The following ATOH8 variants were observed in gnomAD, a reference collection of about 807,000 sequenced individuals.
ATOH8 encodes transcription factor ATOH8.
In ATOH8, 9 loss-of-function variants were observed where a neutral mutation model predicts 21.2. The observed-to-expected ratio is 0.42, with a 90% CI of 0.26 to 0.74. ATOH8 has a LOEUF of 0.74. Ranked by LOEUF, ATOH8 falls within the 30% of genes least tolerant of loss-of-function variation. The pLI, the probability that ATOH8 is intolerant of heterozygous loss-of-function variation, is 0.24. For missense variants in ATOH8, 524 were observed against 470.9 expected, an observed-to-expected ratio of 1.11 and a Z score of -1.04; for synonymous variants, 253 against 224.0, an observed-to-expected ratio of 1.13 and a Z score of -1.16.
At chr2:85,786,164 C>A (rs1680616889) in intron 2 of ATOH8, among the ~76,000 whole-genome samples, 1 of 152,168 alleles carries the variant, frequency 6.6e-6, no homozygotes, top group African/African-American at 2.4e-5. Flanking sequence ...TCCTTAGCAC[C>A]CTGATTCTCA....
chr2:85,755,187 C>G (rs559872600), intron 1 of ATOH8, among the ~76,000 whole-genome samples: 98 of 152,358 alleles, frequency 6.4e-4, no homozygotes, highest in African/African-American at 2.2e-3. Context: ...TCAACCCCCG[C>G]CTCGGGGGTA....
At position 85,789,175 on chromosome 2, in the gene ATOH8, A is replaced by G. The variant is rs1374138409; in HGVS notation, c.*2285A>G. ...GAGCAAACCCATGGCCTTACCACCC[A>G]GAAAGAGCCCATCCTCCACCTCCCA... On this transcript the variant is annotated 3_prime_UTR_variant, in exon 3 of 3. Coordinates refer to ENST00000306279, the MANE Select transcript of ATOH8 (RefSeq NM_032827.7). Among the ~76,000 whole-genome samples, 1 of 152,158 alleles carries G rather than the reference A, an allele frequency of 6.6e-6. No individual in the cohort carries two copies. The highest frequency in any genetic ancestry group is 1.5e-5 in the Non-Finnish European group (1 of 68,020).
intron 2 of ATOH8, among the ~76,000 whole-genome samples, chr2:85,783,879 T>C (rs72838697): frequency 1.2e-3 from 186 of 151,830 alleles, no homozygotes; most frequent in Non-Finnish European, 2.1e-3. Flanking sequence ...CAGCCACTTA[T>C]GAAGAGGTAT....
At chr2:85,782,831 G>A (rs964040220) in intron 2 of ATOH8, among the ~76,000 whole-genome samples, 1 of 152,166 alleles carries the variant, frequency 6.6e-6, no homozygotes, top group African/African-American at 2.4e-5. Context: ...AAGTAGCTGG[G>A]ATTACAAGCA....
In ATOH8 at chr2:85,754,087, G is replaced by T. The variant is rs1558604636; in HGVS notation, c.-103G>T. The T allele has an allele frequency of 7.6e-7, 1 of 1,316,054 alleles. No homozygotes were observed. The highest frequency in any genetic ancestry group is 4.0e-5 in the Admixed American group (1 of 25,312). 81.5% of individuals were successfully genotyped at this position (1,316,054 alleles called of 1,614,324 possible). ...GGCGAGGGGGAGAAAGGGAGAGAGG[G>T]AGGGGGAGGGCGGGCGAAGCGGGAG... On this transcript the variant is annotated 5_prime_UTR_variant, in exon 1 of 3. Transcript: ENST00000306279.
intron 2 of ATOH8, 29 bp from the exon 3 acceptor site, chr2:85,786,856 A>G (rs570527601): frequency 6.2e-7 from 1 of 1,613,854 alleles, no homozygotes; most frequent in East Asian, 2.2e-5. Context: ...GAGCAGGGGC[A>G]GCTTTTAATG....
In ATOH8 at chr2:85,788,589, G is replaced by T. The variant is rs572177080; in HGVS notation, c.*1699G>T. 2.0e-5 allele frequency among the ~76,000 whole-genome samples: 3 copies of T among 152,182 alleles called. No homozygotes were observed. The highest frequency in any genetic ancestry group is 7.2e-5 in the African/African-American group (3 of 41,438). On this transcript the variant is annotated 3_prime_UTR_variant, in exon 3 of 3. Transcript: ENST00000306279. ...AGGCCCATTGGGACTGGGGGAAGGG[G>T]TGATAAGATAAAAAATAGGAGAGCA...
At chr2:85,759,174 A>C (rs1304466818) in intron 1 of ATOH8, among the ~76,000 whole-genome samples, 1 of 152,126 alleles carries the variant, frequency 6.6e-6, no homozygotes, top group Non-Finnish European at 1.5e-5. Context: ...GGGCGTGGGA[A>C]TGGTGCCCTC....
At position 85,764,142 on chromosome 2, in the gene ATOH8, C is replaced by T; in HGVS notation, c.920C>T (p.Thr307Ile). ...LSFSECVQRC[T>I]RTLQAEGRAK... ...TTCTCCGAGTGTGTGCAGCGCTGCA[C>T]CCGCACCCTGCAGGCCGAGGGACGT... is the stretch of plus-strand genomic sequence containing the variant. The change falls in exon 2 of 3, where the codon ACC (threonine) becomes ATC (isoleucine). Residue 307 changes from threonine to isoleucine, a missense_variant. By Grantham distance (89) the Thr-to-Ile change is moderately conservative. Coordinates refer to ENST00000306279, the MANE Select transcript of ATOH8 (RefSeq NM_032827.7). 6.2e-7 allele frequency: 1 copy of T among 1,614,166 alleles called. No homozygotes were observed.
chr2:85,754,879 C>A lies in ATOH8; in HGVS notation c.690C>A (p.Thr230=), dbSNP rs1250352315. 6 of 1,611,756 alleles carry A rather than the reference C, an allele frequency of 3.7e-6. No individual in the cohort carries two copies. The highest frequency in any genetic ancestry group is 5.1e-6 in the Non-Finnish European group (6 of 1,179,812). Residue 230 remains threonine (T), a synonymous_variant, in exon 1 of 3, where the codon ACC becomes ACA. Transcript: ENST00000306279. ...CCGAGATCAAAGCCCTGCAGCAGAC[C>A]CGGAGGCTCCTGGCGAACGCCAGGG... ...ASSEIKALQQ[T]RRLLANARER... is the part of the protein sequence containing the mutation.
At chr2:85,774,460 A>G (rs1680272004) in intron 2 of ATOH8, 1 of 985,488 alleles carries the variant, frequency 1.0e-6, no homozygotes, top group Non-Finnish European at 1.2e-6. Context: ...TCCATGGGAA[A>G]CAACAAACCT....
In ATOH8 at chr2:85,772,680, C is replaced by T. The variant is rs771727178; in HGVS notation, c.960+8498C>T. 9 of 456,202 alleles carry T rather than the reference C, an allele frequency of 2.0e-5. 1 individual carries two copies. The highest frequency in any genetic ancestry group is 3.2e-4 in the Middle Eastern group (1 of 3,096). 28.3% of individuals were successfully genotyped at this position (456,202 alleles called of 1,614,324 possible). On this transcript the variant is annotated intron_variant, in intron 2 of 2. Coordinates refer to ENST00000306279, the MANE Select transcript of ATOH8 (RefSeq NM_032827.7). ...CTGGTTTGGAGGCAGCAGGGAAAAC[C>T]GTGCAAAAGGTTCTTTGTGAGAGAG...
rs1339589726 is a variant in ATOH8 at position 85,787,388 on chromosome 2, G to GCT, written c.*506_*507dup. 1 of 157,598 alleles carries GCT rather than the reference G, an allele frequency of 6.3e-6. No homozygotes were observed. The highest frequency in any genetic ancestry group is 1.4e-5 in the Non-Finnish European group (1 of 70,266). The allele number at this position is 157,598 out of a possible 1,614,324, so 9.8% of individuals were successfully genotyped here. On this transcript the variant is annotated 3_prime_UTR_variant, in exon 3 of 3. Coordinates refer to ENST00000306279, the MANE Select transcript of ATOH8 (RefSeq NM_032827.7). ...GGTCATCTTGGCCCTCTGACCTGGTGCTCTCTCTCCACTGGGCCTTGTGCT... is the reference window on the plus strand; with the variant it reads ...GGTCATCTTGGCCCTCTGACCTGGTGCTCTCTCTCTCCACTGGGCCTTGTGCT...
chr2:85,771,514 G>A (rs188639804), intron 2 of ATOH8, among the ~76,000 whole-genome samples: 121 of 152,252 alleles, frequency 7.9e-4, no homozygotes, highest in Admixed American at 2.7e-3. Context: ...ATGAATGACC[G>A]ACCAGCCAAA....
In ATOH8 at chr2:85,787,236, C is replaced by T. The variant is rs913043394; in HGVS notation, c.*346C>T. 2.1e-5 allele frequency: 7 copies of T among 335,048 alleles called. No individual in the cohort carries two copies. Among genetic ancestry groups the T allele is most frequent in the South Asian group, 7.1e-5 (1 of 14,144 alleles). The allele number at this position is 335,048 out of a possible 1,614,324, so 20.8% of individuals were successfully genotyped here. On this transcript the variant is annotated 3_prime_UTR_variant, in exon 3 of 3. Transcript: ENST00000306279. ...GAAATGGGGTGGTGAAACCCCACAGCGAAAAGCCACACCGTTGCTCTGTGA... is the reference window on the plus strand; with the variant it reads ...GAAATGGGGTGGTGAAACCCCACAGTGAAAAGCCACACCGTTGCTCTGTGA...
chr2:85,755,660 C>G (rs1474149672), intron 1 of ATOH8, among the ~76,000 whole-genome samples: 1 of 152,026 alleles, frequency 6.6e-6, no homozygotes, highest in Non-Finnish European at 1.5e-5. Context: ...GGGGTGGGTC[C>G]GGGACTTTTT....
chr2:85,786,052 G>A (rs1186605329), intron 2 of ATOH8, among the ~76,000 whole-genome samples: 1 of 152,110 alleles, frequency 6.6e-6, no homozygotes, highest in South Asian at 2.1e-4. Flanking sequence ...CAGTTACACC[G>A]TCTGCTCAGA....
At chr2:85,772,834 ATGT>A (rs1381963936) in intron 2 of ATOH8, 4 of 455,386 alleles carry the variant, frequency 8.8e-6, no homozygotes, top group Non-Finnish European at 1.3e-5. Flanking sequence ...TTTTCTTTTA[ATGT>A]TGTTTCTTCC....
chr2:85,786,896 T>C lies in ATOH8; in HGVS notation c.*6T>C. Reference sequence around the variant, plus strand: ...GTCATGTCTTTCAGGAGTGACTGGCTGCAGGCAAGACCAAGGCCACCACTG... The same window carrying C: ...GTCATGTCTTTCAGGAGTGACTGGCCGCAGGCAAGACCAAGGCCACCACTG... On this transcript the variant is annotated 3_prime_UTR_variant, in exon 3 of 3. Transcript: ENST00000306279. 2 of 1,614,156 alleles carry C rather than the reference T, an allele frequency of 1.2e-6. No individual in the cohort carries two copies. Among genetic ancestry groups the C allele is most frequent in the Non-Finnish European group, 1.7e-6 (2 of 1,180,022 alleles).
Sources: gnomAD v4.1 joint callset for allele counts (sites outside exome capture counted in the v4.1 genomes callset) on GRCh38, gnomAD v4.1.1 for gene constraint, MANE v1.5 for transcripts, NCBI Gene and HGNC (gene_info 2026-07-23, HGNC 2026-07-21) for gene names.